Variants in DMD observed in about 807,000 individuals in gnomAD.
DMD encodes mutant dystrophin.
A neutral mutation model predicts 330.1 loss-of-function variants in DMD; 63 were observed. The observed-to-expected ratio is 0.19, with a 90% CI of 0.16 to 0.24. The LOEUF (loss-of-function observed/expected upper bound fraction) is 0.24, where lower values mean the gene tolerates loss of function less well. DMD is among the 10% of genes least tolerant of loss of function. The pLI is 1.00. For synonymous variants in DMD, 1,223 were observed against 959.8 expected (o/e 1.27, Z -5.07); for missense variants, 3,344 against 2,684.1 (o/e 1.25, Z -5.43).
intron 52 of DMD, among the ~76,000 whole-genome samples, chrX:31,701,941 A>G (rs984380636): frequency 1.8e-5 from 2 of 112,706 alleles, no homozygotes; most frequent in Non-Finnish European, 3.8e-5. Flanking sequence ...CTTCTAAACC[A>G]TTACGTTTTG....
chrX:32,031,607 G>A (rs1233971492), intron 44 of DMD, among the ~76,000 whole-genome samples: 1 of 111,603 alleles, frequency 9.0e-6, no homozygotes, highest in African/African-American at 3.3e-5. Flanking sequence ...ATGAAATAAC[G>A]AAAGTAAAAA....
chrX:32,565,008 A>T (rs1028312895), intron 16 of DMD, among the ~76,000 whole-genome samples: 2 of 111,803 alleles, frequency 1.8e-5, no homozygotes, highest in Admixed American at 9.5e-5. Context: ...ACTACTCATT[A>T]TTCTACCATC....
intron 1 of DMD, among the ~76,000 whole-genome samples, chrX:33,306,680 T>C (rs2053766989): frequency 9.0e-6 from 1 of 110,858 alleles, no homozygotes; most frequent in South Asian, 3.8e-4. Flanking sequence ...CACAGCAATA[T>C]AAATGTCATG....
intron 2 of DMD, among the ~76,000 whole-genome samples, chrX:32,935,644 A>C (rs1282738737): frequency 8.9e-6 from 1 of 111,868 alleles, no homozygotes; most frequent in African/African-American, 3.3e-5. Flanking sequence ...TTAATTCTTT[A>C]ATCCTTTTTG....
intron 62 of DMD, among the ~76,000 whole-genome samples, chrX:31,310,832 C>T (rs1025187978): frequency 8.3e-5 from 9 of 108,877 alleles, no homozygotes; most frequent in South Asian, 4.0e-4. Context: ...TGGGATTACA[C>T]GCTTGAGACA....
At chrX:32,707,582 T>A (rs2064795114) in intron 7 of DMD, among the ~76,000 whole-genome samples, 1 of 112,288 alleles carries the variant, frequency 8.9e-6, no homozygotes, top group Non-Finnish European at 1.9e-5. Flanking sequence ...CAGGAAAAGT[T>A]CTATCTTTAA....
At position 31,178,843 on chromosome X, in the gene DMD, G is replaced by C. The variant is rs760439006; in HGVS notation, c.10087-38C>G. ...TCATGGTGAGATCAGATTTAGGACAGGATGATTTCAAAACTAATGACCACT... is the reference window on the plus strand; with the variant it reads ...TCATGGTGAGATCAGATTTAGGACACGATGATTTCAAAACTAATGACCACT... On this transcript the variant is annotated intron_variant, in intron 69 of 78. Coordinates refer to ENST00000357033, the MANE Select transcript of DMD (RefSeq NM_004006.3). 16 of 1,196,161 alleles carry C rather than the reference G, an allele frequency of 1.3e-5. No individual in the cohort carries two copies. In the East Asian group the frequency reaches 1.5e-4, roughly 11 times the overall value.
At chrX:31,311,137 G>T (rs1241751364) in intron 62 of DMD, among the ~76,000 whole-genome samples, 1 of 111,004 alleles carries the variant, frequency 9.0e-6, no homozygotes. Flanking sequence ...TATTCCCCCA[G>T]CTCAAGGCTT....
intron 1 of DMD, among the ~76,000 whole-genome samples, chrX:33,324,310 A>G (rs779372388): frequency 1.8e-5 from 2 of 110,948 alleles, no homozygotes; most frequent in Non-Finnish European, 3.8e-5. Context: ...TGAGACCACT[A>G]GGAGAATGAT....
At chrX:31,402,002 G>A (rs184865230) in intron 60 of DMD, among the ~76,000 whole-genome samples, 2 of 111,733 alleles carry the variant, frequency 1.8e-5, no homozygotes, top group East Asian at 5.6e-4. Context: ...GAGCCTCTGG[G>A]TTGGTTTCCA....
At chrX:33,048,407 C>A (rs2094411240) in intron 1 of DMD, among the ~76,000 whole-genome samples, 1 of 110,404 alleles carries the variant, frequency 9.1e-6, no homozygotes, top group South Asian at 3.8e-4. Context: ...AAGAAAAATT[C>A]GACTGGGAGC....
At chrX:32,883,823 C>CCAAAAAAAAAAA (rs1169678184) in intron 2 of DMD, among the ~76,000 whole-genome samples, 1 of 30,352 alleles carries the variant, frequency 3.3e-5, no homozygotes, top group African/African-American at 1.4e-4. Context: ...GACTCTGTTT[C>CCAAAAAAAAAAA]AAAAAAAAAA....
intron 29 of DMD, among the ~76,000 whole-genome samples, chrX:32,418,676 T>C (rs765690020): frequency 9.0e-6 from 1 of 111,097 alleles, no homozygotes; most frequent in African/African-American, 3.3e-5. Flanking sequence ...CCACTAAGAA[T>C]GTTCTATTTG....
intron 63 of DMD, among the ~76,000 whole-genome samples, chrX:31,250,848 C>T (rs749713739): frequency 2.7e-5 from 3 of 110,880 alleles, no homozygotes; most frequent in Non-Finnish European, 5.7e-5. Context: ...GTTTGGGAGG[C>T]GGAGGCTGGC....
chrX:32,586,446 AATAT>A (rs751849623), intron 13 of DMD, among the ~76,000 whole-genome samples: 1 of 108,518 alleles, frequency 9.2e-6, no homozygotes, highest in Non-Finnish European at 1.9e-5. Flanking sequence ...AAAATAAATA[AATAT>A]ATATGTTTAT....
chrX:32,444,498 A>C (rs995671085), intron 27 of DMD, among the ~76,000 whole-genome samples: 2 of 111,408 alleles, frequency 1.8e-5, no homozygotes, highest in African/African-American at 6.5e-5. Context: ...TAGTTGTAAC[A>C]AATGGTAGAA....
intron 2 of DMD, among the ~76,000 whole-genome samples, chrX:32,990,915 T>C (rs759120180): frequency 7.0e-4 from 78 of 111,335 alleles, no homozygotes; most frequent in Admixed American, 2.1e-3. Flanking sequence ...TGATTCCATA[T>C]ACCAAGCTTT....
At chrX:32,968,895 G>C (rs766535055) in intron 2 of DMD, among the ~76,000 whole-genome samples, 9 of 106,619 alleles carry the variant, frequency 8.4e-5, no homozygotes, top group African/African-American at 1.7e-4. Context: ...CAGGCGTGGT[G>C]GTGGGTGCCT....
chrX:32,904,254 A>C (rs952617371), intron 2 of DMD, among the ~76,000 whole-genome samples: 1 of 112,008 alleles, frequency 8.9e-6, no homozygotes, highest in Non-Finnish European at 1.9e-5. Flanking sequence ...AAGTTTTCAC[A>C]AATGTAATGC....
Sources: allele counts gnomAD v4.1 joint callset (sites outside exome capture counted in the v4.1 genomes callset), GRCh38; gene constraint gnomAD v4.1.1; transcripts MANE v1.5; gene names NCBI Gene and HGNC (gene_info 2026-07-23, HGNC 2026-07-21).